RBM6: variants seen among roughly 807,000 people sequenced by gnomAD.
RBM6 encodes the protein RNA binding motif protein 6.
RBM6 carries 23 observed loss-of-function variants against 140.4 expected under a neutral mutation model. The observed-to-expected ratio is 0.16, with a 90% CI of 0.12 to 0.23. The LOEUF (loss-of-function observed/expected upper bound fraction) is 0.23. Ranked by LOEUF, RBM6 falls within the 10% of genes least tolerant of loss-of-function variation. RBM6 has a pLI of 1.00. For missense variants in RBM6, 1,139 were observed against 1,386.7 expected, an observed-to-expected ratio of 0.82 and a Z score of 2.84; for synonymous variants, 439 against 475.6, an observed-to-expected ratio of 0.92 and a Z score of 1.00.
Position 50,076,953 on chromosome 3 carries a change from C to T in RBM6, c.3247-55C>T, listed in dbSNP as rs994181844. Reference sequence around the variant, plus strand: ...AGAAATGCCTGTGGTCAAAGACCAGCGCTGAGGCTAATTAATCTATAGGGC... The same window carrying T: ...AGAAATGCCTGTGGTCAAAGACCAGTGCTGAGGCTAATTAATCTATAGGGC... On this transcript the variant is annotated intron_variant, in intron 20 of 20. Transcript: ENST00000266022. The T allele has an allele frequency of 2.6e-5, 41 of 1,549,560 alleles. No homozygotes were observed. In the Admixed American group the frequency reaches 3.1e-4, roughly 12 times the overall value.
intron 19 of RBM6, among the ~76,000 whole-genome samples, chr3:50,074,564 G>C (rs1257697550): frequency 1.3e-5 from 2 of 151,994 alleles, no homozygotes; most frequent in Admixed American, 1.3e-4. Flanking sequence ...CAGGTGATCT[G>C]CCCACCTCAG....
intron 2 of RBM6, among the ~76,000 whole-genome samples, chr3:49,966,510 A>G (rs1316995239): frequency 3.3e-5 from 5 of 152,226 alleles, no homozygotes; most frequent in African/African-American, 1.2e-4. Flanking sequence ...ATTAGGTCAC[A>G]TCTTGTTTAT....
intron 5 of RBM6, among the ~76,000 whole-genome samples, chr3:49,992,059 C>A (rs2085852343): frequency 2.0e-5 from 3 of 152,012 alleles, no homozygotes; most frequent in African/African-American, 7.3e-5. Context: ...TCAAGCAATC[C>A]TTCCGTTTCA....
chr3:50,047,087 A>G (rs1017879513), intron 6 of RBM6: 18 of 884,604 alleles, frequency 2.0e-5, no homozygotes, highest in South Asian at 1.0e-4. Context: ...TAGATGGGCA[A>G]TTTTCCTTGG....
intron 20 of RBM6, 34 bp downstream of exon 20, chr3:50,075,364 G>T: frequency 6.2e-7 from 1 of 1,600,606 alleles, no homozygotes; most frequent in South Asian, 1.1e-5. Context: ...GGGGTGACAT[G>T]AACCTGGAAT....
chr3:50,052,129 A>G (rs2089493651), intron 7 of RBM6, among the ~76,000 whole-genome samples: 1 of 152,186 alleles, frequency 6.6e-6, no homozygotes. Flanking sequence ...CAGTGGCACA[A>G]TCTCGGCTCA....
chr3:49,981,775 ATCT>A (rs1210707062), intron 5 of RBM6: 3 of 152,192 alleles, frequency 2.0e-5, no homozygotes, highest in Admixed American at 2.0e-4. Flanking sequence ...ATGGTTGTAG[ATCT>A]TCTCATTCAC....
chr3:49,968,913 G>T (rs984949754), intron 3 of RBM6, among the ~76,000 whole-genome samples, 165 bp downstream of exon 3: 1 of 150,910 alleles, frequency 6.6e-6, no homozygotes, highest in Non-Finnish European at 1.5e-5. Flanking sequence ...CTGAGTAGCT[G>T]GGACTGACTA....
At chr3:50,043,319 C>T (rs1480783077) in intron 6 of RBM6, among the ~76,000 whole-genome samples, 2 of 151,840 alleles carry the variant, frequency 1.3e-5, no homozygotes, top group Non-Finnish European at 2.9e-5. Context: ...CCCATCTCTA[C>T]TAAAAATACA....
chr3:49,945,881 C>CAAAAAAAAAAA (rs67271820), intron 1 of RBM6, among the ~76,000 whole-genome samples: 12 of 61,906 alleles, frequency 1.9e-4, no homozygotes, highest in South Asian at 9.5e-4. Flanking sequence ...GACTCCATCT[C>CAAAAAAAAAAA]AAAAAAAAAA....
chr3:49,954,493 A>G (rs1346769833), intron 1 of RBM6, among the ~76,000 whole-genome samples: 3 of 151,720 alleles, frequency 2.0e-5, no homozygotes, highest in Non-Finnish European at 4.4e-5. Context: ...TTTGCCCAGG[A>G]TGGTCTGAAA....
intron 6 of RBM6, among the ~76,000 whole-genome samples, chr3:50,026,634 CAAA>C (rs1202838550): frequency 9.1e-6 from 1 of 110,494 alleles, no homozygotes; most frequent in Non-Finnish European, 1.9e-5. Context: ...CTCTGTCTCT[CAAA>C]AAAAAAAAAA....
chr3:49,948,717 GAAAAA>G (rs1298504771), intron 1 of RBM6, among the ~76,000 whole-genome samples: 1 of 108,300 alleles, frequency 9.2e-6, no homozygotes, highest in Non-Finnish European at 2.0e-5. Context: ...TCTCAAAAAA[GAAAAA>G]AAAAAAAAAG....
intron 6 of RBM6, among the ~76,000 whole-genome samples, chr3:50,041,411 C>A (rs567309096): frequency 6.6e-6 from 1 of 152,182 alleles, no homozygotes; most frequent in Non-Finnish European, 1.5e-5. Flanking sequence ...TTCTTTCTTC[C>A]TCCATCTCCT....
intron 5 of RBM6, among the ~76,000 whole-genome samples, chr3:49,988,254 C>T (rs932927898): frequency 2.0e-5 from 3 of 152,158 alleles, no homozygotes; most frequent in African/African-American, 4.8e-5. Context: ...AAGGGATCCT[C>T]CCACCTCAGC....
At chr3:50,017,616 T>A (rs1375939697) in intron 6 of RBM6, among the ~76,000 whole-genome samples, 1 of 152,136 alleles carries the variant, frequency 6.6e-6, no homozygotes, top group Non-Finnish European at 1.5e-5. Context: ...GCCCATTTTT[T>A]AATAGGGTTA....
At chr3:49,943,328 G>T (rs763299800) in intron 1 of RBM6, among the ~76,000 whole-genome samples, 5 of 151,506 alleles carry the variant, frequency 3.3e-5, no homozygotes, top group Non-Finnish European at 5.9e-5. Flanking sequence ...TTTGAGACAG[G>T]GTCTTGCTCT....
chr3:49,955,562 G>T (rs1264329379), intron 1 of RBM6, among the ~76,000 whole-genome samples: 1 of 152,026 alleles, frequency 6.6e-6, no homozygotes, highest in Non-Finnish European at 1.5e-5. Flanking sequence ...TGTATCCTAG[G>T]CTGGGCGCAG....
At chr3:50,065,970 A>G (rs1157646520) in intron 16 of RBM6, among the ~76,000 whole-genome samples, 3 of 151,988 alleles carry the variant, frequency 2.0e-5, no homozygotes, top group East Asian at 1.9e-4. Context: ...ACCTTTTACT[A>G]TTTTCTATGT....
Sources: gnomAD v4.1 joint callset for allele counts (sites outside exome capture counted in the v4.1 genomes callset) on GRCh38, gnomAD v4.1.1 for gene constraint, MANE v1.5 for transcripts, NCBI Gene and HGNC (gene_info 2026-07-23, HGNC 2026-07-21) for gene names.